The following ANXA7 variants were observed in gnomAD, a reference collection of about 807,000 sequenced individuals.
ANXA7 encodes the protein annexin A7.
ANXA7 carries 55 observed loss-of-function variants against 64.9 expected under a neutral mutation model. The observed-to-expected ratio is 0.85, with a 90% CI of 0.68 to 1.06. The LOEUF (loss-of-function observed/expected upper bound fraction) is 1.06. Ranked by LOEUF, ANXA7 falls within the 50% of genes least tolerant of loss-of-function variation. ANXA7 has a pLI of 0.00. For synonymous variants in ANXA7, 200 were observed against 192.4 expected (o/e 1.04, Z -0.33); for missense variants, 548 against 582.1 (o/e 0.94, Z 0.60).
At chr10:73,400,405 A>G (rs2055642375) in intron 2 of ANXA7, among the ~76,000 whole-genome samples, 1 of 152,078 alleles carries the variant, frequency 6.6e-6, no homozygotes. Flanking sequence ...AAGAAAAAGA[A>G]CCAGTGATTC....
chr10:73,379,731 A>G, intron 11 of ANXA7, 148 bp downstream of exon 11: 2 of 766,582 alleles, frequency 2.6e-6, no homozygotes, highest in South Asian at 3.5e-5. Context: ...AAGAAAACAA[A>G]CAACAAAAAA....
intron 1 of ANXA7, among the ~76,000 whole-genome samples, chr10:73,403,525 T>C (rs1186561967): frequency 6.6e-6 from 1 of 152,102 alleles, no homozygotes; most frequent in Non-Finnish European, 1.5e-5. Flanking sequence ...AAAAACCACA[T>C]AGTACTTCAG....
chr10:73,403,663 C>T (rs936802547), intron 1 of ANXA7, among the ~76,000 whole-genome samples: 7 of 152,184 alleles, frequency 4.6e-5, no homozygotes, highest in Admixed American at 2.6e-4. Flanking sequence ...ATACTATCTT[C>T]GGGGAAGATT....
At chr10:73,406,841 G>A (rs2055765091) in intron 1 of ANXA7, among the ~76,000 whole-genome samples, 2 of 152,086 alleles carry the variant, frequency 1.3e-5, no homozygotes, top group Admixed American at 1.3e-4. Context: ...AAAGTGCTAG[G>A]ATTACAGGCA....
intron 1 of ANXA7, among the ~76,000 whole-genome samples, chr10:73,406,562 A>G (rs1459297429): frequency 1.3e-5 from 2 of 151,968 alleles, no homozygotes; most frequent in African/African-American, 4.8e-5. Flanking sequence ...ACTGGCTCCA[A>G]TTATTATTAT....
intron 1 of ANXA7, among the ~76,000 whole-genome samples, chr10:73,411,275 T>C (rs2055833519): frequency 6.6e-6 from 1 of 152,088 alleles, no homozygotes; most frequent in Non-Finnish European, 1.5e-5. Context: ...TGAAGTGATA[T>C]AATGGACTTT....
chr10:73,395,799 A>G (rs1165616595), intron 5 of ANXA7: 2 of 547,070 alleles, frequency 3.7e-6, no homozygotes, highest in Non-Finnish European at 6.7e-6. Context: ...AAAAAAAAAA[A>G]AAGAAGCCAT....
chr10:73,412,280 C>A (rs139876371), intron 1 of ANXA7, among the ~76,000 whole-genome samples: 7,079 of 152,016 alleles, frequency 0.047, 501 homozygotes, highest in African/African-American at 0.15. Context: ...CGTGATCCTC[C>A]CGCCTAGGCC....
intron 1 of ANXA7, among the ~76,000 whole-genome samples, chr10:73,406,100 C>A (rs566191349): frequency 6.6e-6 from 1 of 151,996 alleles, no homozygotes; most frequent in South Asian, 2.1e-4. Flanking sequence ...GGATTACAGG[C>A]GCCCACCACC....
chr10:73,396,604 A>G, intron 4 of ANXA7, 21 bp from the exon 5 acceptor site: 3 of 1,523,976 alleles, frequency 2.0e-6, no homozygotes, highest in Non-Finnish European at 2.7e-6. Flanking sequence ...AAAAAAAATA[A>G]TAATAATACG....
chr10:73,379,091 T>C (rs1410686138), intron 11 of ANXA7, 68 bp from the exon 12 acceptor site: 1 of 1,050,122 alleles, frequency 9.5e-7, no homozygotes, highest in African/African-American at 1.6e-5. Flanking sequence ...CCAGCTTCAT[T>C]TATCACTTAT....
intron 9 of ANXA7, among the ~76,000 whole-genome samples, chr10:73,381,860 C>T (rs2055280527): frequency 1.3e-5 from 2 of 151,628 alleles, no homozygotes; most frequent in Non-Finnish European, 2.9e-5. Context: ...TCCATATCCA[C>T]TATCCTTTCC....
intron 9 of ANXA7, 69 bp downstream of exon 9, chr10:73,383,106 T>G: frequency 7.1e-7 from 1 of 1,404,168 alleles, no homozygotes; most frequent in Non-Finnish European, 9.6e-7. Context: ...GAATAAAGAA[T>G]GCTCACTGGC....
chr10:73,402,829 C>CT (rs113465435), intron 1 of ANXA7, among the ~76,000 whole-genome samples: 6,258 of 144,608 alleles, frequency 0.043, 375 homozygotes, highest in African/African-American at 0.14. Context: ...AACTCTGTTT[C>CT]TTTTTTTTTT....
intron 1 of ANXA7, among the ~76,000 whole-genome samples, chr10:73,410,194 CAAAT>C (rs2055817408): frequency 1.3e-5 from 2 of 151,818 alleles, no homozygotes; most frequent in African/African-American, 4.8e-5. Flanking sequence ...CACAGCAAAA[CAAAT>C]AATCAACAGA....
At chr10:73,412,182 G>A (rs1033532060) in intron 1 of ANXA7, among the ~76,000 whole-genome samples, 4 of 152,010 alleles carry the variant, frequency 2.6e-5, no homozygotes, top group African/African-American at 9.7e-5. Flanking sequence ...GACTACAGGC[G>A]CCTGCCACCA....
chr10:73,379,870 A>G lies in ANXA7; in HGVS notation c.1165+9T>C, dbSNP rs745384477. On this transcript the variant is annotated intron_variant, in intron 11 of 12. Transcript: ENST00000372921. ...AAAGAAAATAAAGCAAAGCACAAAA[A>G]TATCTTACAGATGGTCTTCAAACCA... is the stretch of plus-strand genomic sequence containing the variant. 6.2e-6 allele frequency: 10 copies of G among 1,613,348 alleles called. No individual in the cohort carries two copies. In the East Asian group the frequency reaches 1.1e-4, roughly 18 times the overall value.
In ANXA7 at chr10:73,388,393, T is replaced by A. The variant is rs1313219083; in HGVS notation, c.457A>T (p.Thr153Ser). 6.2e-7 allele frequency: 1 copy of A among 1,613,396 alleles called. No individual in the cohort carries two copies. The highest frequency in any genetic ancestry group is 1.1e-5 in the South Asian group (1 of 90,998). ...GCAGCTGGTCGGATAGTTCCTTGAG[T>A]GACCTGAGTCACTGTGGCAGGCTGA... ...PSQPATVTQV[T>S]QGTIRPAANF... The change falls in exon 6 of 13, where the codon ACT becomes TCT. Residue 153 changes from threonine (T) to serine (S), a missense_variant. Thr to Ser is a moderately conservative substitution (Grantham distance 58). Transcript: ENST00000372921.
Position 73,398,163 on chromosome 10 carries a change from C to G in ANXA7, c.259+18G>C. On this transcript the variant is annotated intron_variant, in intron 3 of 12. Transcript: ENST00000372921. ...ACAGCAATCCCAATCATTACTAATT[C>G]CGCAACCCGTAACTCACCTCCGGGA... 6.3e-7 allele frequency: 1 copy of G among 1,598,246 alleles called. No individual in the cohort carries two copies. The highest frequency in any genetic ancestry group is 8.5e-7 in the Non-Finnish European group (1 of 1,169,856).
Sources: allele counts gnomAD v4.1 joint callset (sites outside exome capture counted in the v4.1 genomes callset), GRCh38; gene constraint gnomAD v4.1.1; transcripts MANE v1.5; gene names NCBI Gene and HGNC (gene_info 2026-07-23, HGNC 2026-07-21).